Variants in FAM110B observed in about 807,000 individuals in gnomAD.
FAM110B encodes the protein family with sequence similarity 110 member B, also known as protein FAM110B.
A neutral mutation model predicts 20.4 loss-of-function variants in FAM110B; 6 were observed. That is an observed-to-expected ratio of 0.29 (90% confidence interval 0.16 to 0.58). FAM110B has a LOEUF of 0.58. Ranked by LOEUF, FAM110B falls within the 20% of genes least tolerant of loss-of-function variation. The probability of loss-of-function intolerance (pLI) is 0.90; values close to 1 mark genes in which losing one functional copy is unlikely to be tolerated. For missense variants in FAM110B, 434 were observed against 498.2 expected, an observed-to-expected ratio of 0.87 and a Z score of 1.23; for synonymous variants, 226 against 214.1, an observed-to-expected ratio of 1.06 and a Z score of -0.49.
chr8:58,082,777 A>C (rs1806230528), intron 3 of FAM110B, among the ~76,000 whole-genome samples: 1 of 151,600 alleles, frequency 6.6e-6, no homozygotes, highest in Non-Finnish European at 1.5e-5. Flanking sequence ...CAGGAAGTCG[A>C]GATCAGCGTG....
At chr8:58,083,970 G>C (rs1806267596) in intron 3 of FAM110B, among the ~76,000 whole-genome samples, 1 of 152,212 alleles carries the variant, frequency 6.6e-6, no homozygotes, top group African/African-American at 2.4e-5. Context: ...GTACATAGGA[G>C]AGTACGGCTA....
intron 3 of FAM110B, among the ~76,000 whole-genome samples, chr8:58,084,544 C>G (rs1449135852): frequency 1.3e-5 from 2 of 152,230 alleles, no homozygotes; most frequent in East Asian, 3.9e-4. Context: ...CACTCGCCAC[C>G]ATGCCCAGCT....
chr8:58,009,005 C>G (rs1804472368), intron 1 of FAM110B, among the ~76,000 whole-genome samples: 1 of 152,228 alleles, frequency 6.6e-6, no homozygotes, highest in Non-Finnish European at 1.5e-5. Flanking sequence ...TTCCTCTCTG[C>G]TCTCTCTGCC....
At chr8:58,094,725 C>T (rs1806575992) in intron 3 of FAM110B, among the ~76,000 whole-genome samples, 1 of 152,146 alleles carries the variant, frequency 6.6e-6, no homozygotes, top group African/African-American at 2.4e-5. Context: ...TTGGTTGTGT[C>T]TCCGCCAGGT....
intron 3 of FAM110B, among the ~76,000 whole-genome samples, chr8:58,144,771 T>G (rs1424254482): frequency 6.6e-6 from 1 of 152,248 alleles, no homozygotes; most frequent in East Asian, 1.9e-4. Context: ...CTGATGCATT[T>G]GTAAATGTTC....
intron 3 of FAM110B, among the ~76,000 whole-genome samples, chr8:58,085,829 A>C (rs1445657074): frequency 6.6e-6 from 1 of 152,204 alleles, no homozygotes; most frequent in African/African-American, 2.4e-5. Context: ...GGCACTGGCC[A>C]TTCACACACG....
At chr8:58,132,293 T>C (rs1409383316) in intron 3 of FAM110B, among the ~76,000 whole-genome samples, 4 of 152,074 alleles carry the variant, frequency 2.6e-5, no homozygotes, top group African/African-American at 9.7e-5. Flanking sequence ...CTCCCTGTAG[T>C]AGGTACACAC....
At chr8:58,124,705 A>G (rs1336148016) in intron 3 of FAM110B, among the ~76,000 whole-genome samples, 1 of 152,188 alleles carries the variant, frequency 6.6e-6, no homozygotes, top group African/African-American at 2.4e-5. Context: ...ACTTAAACCT[A>G]GAAGCGTATG....
At chr8:58,140,895 T>C (rs1803731275) in intron 3 of FAM110B, among the ~76,000 whole-genome samples, 1 of 152,250 alleles carries the variant, frequency 6.6e-6, no homozygotes, top group Non-Finnish European at 1.5e-5. Context: ...TTCATTCGAT[T>C]CACATTTACC....
At chr8:58,021,010 C>T (rs569697748) in intron 1 of FAM110B, among the ~76,000 whole-genome samples, 11 of 152,300 alleles carry the variant, frequency 7.2e-5, no homozygotes, top group Admixed American at 2.0e-4. Context: ...TTGCTAGGCC[C>T]ATAGAAAAGT....
intron 3 of FAM110B, among the ~76,000 whole-genome samples, chr8:58,097,871 T>C (rs1806672750): frequency 6.6e-6 from 1 of 152,224 alleles, no homozygotes; most frequent in South Asian, 2.1e-4. Context: ...CCTGTTTGCA[T>C]GGGTATCACC....
intron 2 of FAM110B, among the ~76,000 whole-genome samples, chr8:58,065,860 G>A (rs1413067489): frequency 2.0e-5 from 3 of 152,088 alleles, no homozygotes; most frequent in Non-Finnish European, 2.9e-5. Flanking sequence ...TTTTAAAGCC[G>A]TGTTCAGGTT....
chr8:58,044,016 G>T (rs185700193), intron 2 of FAM110B, among the ~76,000 whole-genome samples: 1 of 152,326 alleles, frequency 6.6e-6, no homozygotes, highest in Admixed American at 6.5e-5. Flanking sequence ...TTGACTATGT[G>T]AATACACATT....
At chr8:58,134,908 C>T (rs1199768945) in intron 3 of FAM110B, among the ~76,000 whole-genome samples, 1 of 152,116 alleles carries the variant, frequency 6.6e-6, no homozygotes, top group African/African-American at 2.4e-5. Context: ...GTCCTTCACC[C>T]TCTGGAGGAA....
chr8:58,084,690 A>G (rs1021379396), intron 3 of FAM110B, among the ~76,000 whole-genome samples: 3 of 151,940 alleles, frequency 2.0e-5, no homozygotes, highest in African/African-American at 7.3e-5. Flanking sequence ...GCCTGGTGAA[A>G]TCTCCGTTTT....
intron 3 of FAM110B, among the ~76,000 whole-genome samples, chr8:58,133,274 A>G (rs1362354512): frequency 6.6e-6 from 1 of 150,690 alleles, no homozygotes; most frequent in Non-Finnish European, 1.5e-5. Flanking sequence ...AGCCACTTTC[A>G]TAATACATTA....
At chr8:58,075,650 A>G (rs1806020196) in intron 3 of FAM110B, 27 bp downstream of exon 3, 1 of 152,174 alleles carries the variant, frequency 6.6e-6, no homozygotes, top group African/African-American at 2.4e-5. Context: ...GCTTTGATCC[A>G]TTCTGAGAAG....
At chr8:58,141,118 T>C (rs1384492947) in intron 3 of FAM110B, among the ~76,000 whole-genome samples, 1 of 152,206 alleles carries the variant, frequency 6.6e-6, no homozygotes, top group African/African-American at 2.4e-5. Flanking sequence ...ATGCGACTGT[T>C]CTTAAAAGGG....
rs192206398 is a variant in FAM110B at position 58,129,463 on chromosome 8, C to T, written c.-324-16444C>T. ...TCTCGATAACATTAGAAGCTGCCTC[C>T]GTTCTCCAGTCAGCCACCCCCTTCG... On this transcript the variant is annotated intron_variant, in intron 3 of 3. Coordinates refer to ENST00000519262, the MANE Select transcript of FAM110B (RefSeq NM_001377989.1). Among the ~76,000 whole-genome samples the T allele has an allele frequency of 2.3e-4, 35 of 152,370 alleles. No homozygotes were observed. In the Middle Eastern group the frequency reaches 0.014, roughly 59 times the overall value.
Sources: allele counts gnomAD v4.1 joint callset (sites outside exome capture counted in the v4.1 genomes callset), GRCh38; gene constraint gnomAD v4.1.1; transcripts MANE v1.5; gene names NCBI Gene and HGNC (gene_info 2026-07-23, HGNC 2026-07-21).